Variants in YJU2 observed in about 807,000 individuals in gnomAD.
The protein encoded by YJU2 is splicing factor YJU2.
In YJU2, 28 loss-of-function variants were observed where a neutral mutation model predicts 39.6. The ratio of observed to expected loss-of-function variants is 0.71; its 90% CI spans 0.52 to 0.97. YJU2 has a LOEUF of 0.97. Ranked by LOEUF, YJU2 falls within the 50% of genes least tolerant of loss-of-function variation. YJU2 has a pLI of 0.00. For missense variants in YJU2, 328 were observed against 430.4 expected (o/e 0.76, Z 2.11); for synonymous variants, 184 against 182.4 (o/e 1.01, Z -0.07).
intron 2 of YJU2, among the ~76,000 whole-genome samples, chr19:4,250,603 T>TG (rs1327627160): frequency 3.3e-5 from 5 of 150,674 alleles, no homozygotes; most frequent in African/African-American, 9.8e-5. Flanking sequence ...GGGACTGAGC[T>TG]GGGGGTGTTT....
In YJU2 at chr19:4,254,430, G is replaced by A; in HGVS notation, c.346G>A (p.Glu116Lys). ...RNFQAEKLLE[E>K]EEKRVQKERE... ...TTTCCAGGCTGAGAAGCTCCTGGAG[G>A]AGGAGGAGAAGAGGGTGCAGAAGGA... The change falls in exon 4 of 8, where the codon GAG becomes AAG. Residue 116 changes from glutamate to lysine, a missense_variant. Around this residue, in one of 2 missense-constraint regions of YJU2, gnomAD observed 84 missense variants for 165.8 expected, o/e 0.51. Coordinates refer to ENST00000262962, the MANE Select transcript of YJU2 (RefSeq NM_018074.6). 1 of 1,613,598 alleles carries A rather than the reference G, an allele frequency of 6.2e-7. No homozygotes were observed. The highest frequency in any genetic ancestry group is 1.3e-5 in the African/African-American group (1 of 75,000).
chr19:4,254,784 G>A (rs903123010), intron 4 of YJU2, among the ~76,000 whole-genome samples: 8 of 151,924 alleles, frequency 5.3e-5, no homozygotes, highest in East Asian at 3.9e-4. Context: ...AACACTGGGC[G>A]CAGTGGCTCA....
chr19:4,251,229 C>T (rs527886273), intron 3 of YJU2, 58 bp downstream of exon 3: 129 of 1,563,808 alleles, frequency 8.2e-5, no homozygotes, highest in Non-Finnish European at 1.0e-4. Flanking sequence ...CAGATCAGGG[C>T]GGGCCCTGGG....
chr19:4,254,971 G>T (rs1040214861), intron 4 of YJU2, among the ~76,000 whole-genome samples: 1 of 150,982 alleles, frequency 6.6e-6, no homozygotes, highest in South Asian at 2.1e-4. Context: ...CAGGAGAATC[G>T]CTTGAACCGG....
At chr19:4,255,696 C>A (rs1318517985) in intron 4 of YJU2, among the ~76,000 whole-genome samples, 1 of 147,326 alleles carries the variant, frequency 6.8e-6, no homozygotes, top group African/African-American at 2.5e-5. Context: ...CCACTGCACT[C>A]CAGCCTGGGT....
In YJU2 at chr19:4,268,891, C is replaced by T. The variant is rs1971140358; in HGVS notation, c.*195C>T. 3.4e-6 allele frequency: 2 copies of T among 580,980 alleles called. No homozygotes were observed. Among genetic ancestry groups the T allele is most frequent in the Non-Finnish European group, 6.2e-6 (2 of 324,392 alleles). The allele number at this position is 580,980 out of a possible 1,614,324, so 36.0% of individuals were successfully genotyped here. A position where few individuals can be genotyped will look rare whatever the true frequency, so the allele number is the denominator to read the frequency against. ...GGTCCCTTCTCTGTGCCCTCACCAG[C>T]CTCTCAACACCTCGGGGACCCCTGC... is the stretch of plus-strand genomic sequence containing the variant. On this transcript the variant is annotated 3_prime_UTR_variant, in exon 8 of 8. Coordinates refer to ENST00000262962, the MANE Select transcript of YJU2 (RefSeq NM_018074.6).
At chr19:4,253,778 T>C (rs1970997028) in intron 3 of YJU2, among the ~76,000 whole-genome samples, 1 of 152,092 alleles carries the variant, frequency 6.6e-6, no homozygotes. Flanking sequence ...AGAAAAGGTG[T>C]TAATAAATAC....
chr19:4,247,936 G>C (rs1970944712), intron 1 of YJU2: 1 of 152,032 alleles, frequency 6.6e-6, no homozygotes, highest in African/African-American at 2.4e-5. Context: ...GCACGTTCTT[G>C]GCTCACTGCA....
rs1568359713 is a variant in YJU2, at chr19:4,247,662, T to TG, written c.24+493dup. 6.1e-4 allele frequency among the ~76,000 whole-genome samples: 48 copies of TG among 78,136 alleles called. 4 individuals carry two copies. The highest frequency in any genetic ancestry group is 1.4e-3 in the African/African-American group (22 of 15,414). 51.3% of individuals were successfully genotyped at this position (78,136 alleles called of 152,430 possible). ...GTGTGTGTGTGTGTGTGTGTGTGTGTGTGTGTGTGTGTGTGTGTGTGTGTG... is the reference window on the plus strand; with the variant it reads ...GTGTGTGTGTGTGTGTGTGTGTGTGTGGTGTGTGTGTGTGTGTGTGTGTGTG... On this transcript the variant is annotated intron_variant, in intron 1 of 7. Coordinates refer to ENST00000262962, the MANE Select transcript of YJU2 (RefSeq NM_018074.6).
chr19:4,250,578 C>G (rs1485563690), intron 2 of YJU2, among the ~76,000 whole-genome samples: 1 of 151,918 alleles, frequency 6.6e-6, no homozygotes, highest in Non-Finnish European at 1.5e-5. Context: ...ACTGTAGGAG[C>G]AGAGGCCTTG....
intron 7 of YJU2, among the ~76,000 whole-genome samples, chr19:4,268,357 C>G (rs1971133916): frequency 6.6e-6 from 1 of 152,252 alleles, no homozygotes; most frequent in African/African-American, 2.4e-5. Flanking sequence ...CGTTGCCTGC[C>G]TGGGCAAGGT....
rs1971125930 is a variant in YJU2 at position 4,267,625 on chromosome 19, C to T, written c.710C>T (p.Ala237Val). The T allele has an allele frequency of 6.2e-7, 1 of 1,612,080 alleles. No individual in the cohort carries two copies. The highest frequency in any genetic ancestry group is 1.3e-5 in the African/African-American group (1 of 75,016). The change falls in exon 7 of 8, where the codon GCC becomes GTC. Residue 237 changes from alanine to valine, a missense_variant and splice_region_variant. Ala to Val is a moderately conservative substitution (Grantham distance 64). Coordinates refer to ENST00000262962, the MANE Select transcript of YJU2 (RefSeq NM_018074.6). ...CACATGTGTCCCCATCACCTGCAGG[C>T]CCCAAAGCCCAAGAGGAAGGTGGAG... The part of the protein sequence containing the change: ...RPNPTAILDE[A>V]PKPKRKVEVW...
chr19:4,263,185 A>G (rs1462392110), intron 6 of YJU2, among the ~76,000 whole-genome samples: 2 of 152,160 alleles, frequency 1.3e-5, no homozygotes, highest in Non-Finnish European at 1.5e-5. Context: ...AAGAAAGAAC[A>G]TAGAAATTTA....
At chr19:4,250,017 A>G (rs559769568) in intron 2 of YJU2, among the ~76,000 whole-genome samples, 1 of 151,776 alleles carries the variant, frequency 6.6e-6, no homozygotes, top group Non-Finnish European at 1.5e-5. Flanking sequence ...TTCTCCTTCT[A>G]CTTACACATG....
intron 4 of YJU2, among the ~76,000 whole-genome samples, chr19:4,255,727 CAA>C (rs58736061): frequency 2.8e-4 from 29 of 103,738 alleles, no homozygotes; most frequent in African/African-American, 5.2e-4. Flanking sequence ...GATTCTGTGT[CAA>C]AAAAAAAAAA....
intron 1 of YJU2, among the ~76,000 whole-genome samples, 173 bp from the exon 2 acceptor site, chr19:4,249,055 T>G (rs1277521415): frequency 1.3e-5 from 2 of 152,148 alleles, no homozygotes; most frequent in African/African-American, 4.8e-5. Flanking sequence ...TCAGGAAGCT[T>G]GTGCCTGGCC....
chr19:4,264,261 C>CAAAA (rs748910280), intron 6 of YJU2, among the ~76,000 whole-genome samples: 47 of 43,902 alleles, frequency 1.1e-3, no homozygotes, highest in Non-Finnish European at 1.3e-3. Context: ...GACTCTGTCT[C>CAAAA]AAAAAAAAAA....
rs750361560 is a variant in YJU2 at position 4,251,035 on chromosome 19, C to T, written c.134C>T (p.Thr45Met). 6.8e-6 allele frequency: 11 copies of T among 1,614,018 alleles called. No individual in the cohort carries two copies. The highest frequency in any genetic ancestry group is 1.3e-5 in the African/African-American group (1 of 74,940). ...TACATGCTGCCCCGCAGGTGTAAGA[C>T]GTGCGGAGAATACATCTACAAGGGG... ...LMAPFNMRCK[T>M]CGEYIYKGKK... The change falls in exon 3 of 8, where the codon ACG (threonine) becomes ATG (methionine). Residue 45 changes from threonine to methionine, a missense_variant. Transcript: ENST00000262962.
intron 6 of YJU2, among the ~76,000 whole-genome samples, chr19:4,262,698 C>T (rs533986633): frequency 3.3e-5 from 5 of 151,938 alleles, no homozygotes; most frequent in East Asian, 1.9e-4. Context: ...CGCTTGAGGC[C>T]GGGAGTTTGA....
Sources: gnomAD v4.1 joint callset for allele counts (sites outside exome capture counted in the v4.1 genomes callset) on GRCh38, gnomAD v4.1.1 for gene constraint, gnomAD v4.1.1 regional missense constraint, MANE v1.5 for transcripts, NCBI Gene and HGNC (gene_info 2026-07-23, HGNC 2026-07-21) for gene names.